PARD3B: variants seen among roughly 807,000 people sequenced by gnomAD.
The protein encoded by PARD3B is partitioning defective 3 homolog B.
A neutral mutation model predicts 130.2 loss-of-function variants in PARD3B; 103 were observed. That is an observed-to-expected ratio of 0.79 (90% CI 0.67 to 0.93). The LOEUF (loss-of-function observed/expected upper bound fraction) is 0.93. PARD3B is among the 40% of genes least tolerant of loss of function. PARD3B has a pLI of 0.00. For synonymous variants in PARD3B, 583 were observed against 553.2 expected (o/e 1.05, Z -0.76); for missense variants, 1,609 against 1,499.2 (o/e 1.07, Z -1.21).
At position 204,955,707 on chromosome 2, in the gene PARD3B, A is replaced by G. The variant is rs377185424; in HGVS notation, c.223-9445A>G. On this transcript the variant is annotated intron_variant, in intron 2 of 22. Transcript: ENST00000406610. ...ATTTCTTATGAGTATGAAATAAAAT[A>G]ATACATTTCAGCACTTAATACAGTG... 1.0e-3 allele frequency among the ~76,000 whole-genome samples: 157 copies of G among 152,354 alleles called. 1 individual carries two copies. The highest frequency in any genetic ancestry group is 3.7e-3 in the African/African-American group (152 of 41,584).
chr2:205,354,496 C>T (rs1240733687), intron 18 of PARD3B, among the ~76,000 whole-genome samples: 4 of 139,326 alleles, frequency 2.9e-5, no homozygotes, highest in Non-Finnish European at 3.2e-5. Context: ...TAAAAAAAAT[C>T]TTTTTAGAGC....
chr2:205,354,939 T>C (rs2044138036), intron 18 of PARD3B, among the ~76,000 whole-genome samples: 1 of 152,110 alleles, frequency 6.6e-6, no homozygotes, highest in Non-Finnish European at 1.5e-5. Flanking sequence ...GGTTAAGAAA[T>C]GATAGATTTT....
In PARD3B at chr2:204,943,732, A is replaced by G. The variant is rs1004276816; in HGVS notation, c.223-21420A>G. On this transcript the variant is annotated intron_variant, in intron 2 of 22. Coordinates refer to ENST00000406610, the MANE Select transcript of PARD3B (RefSeq NM_001302769.2). This position sits in a 1 kb window ranked among gnomAD's most constrained non-coding sequence, Gnocchi z 4.2. ...GTTTTGGCAAGCAGAGGACAAATCC[A>G]TCCTCTCTTCCTTGAGGGAAAGTTC... Among the ~76,000 whole-genome samples the G allele has an allele frequency of 6.6e-6, 1 of 152,160 alleles. No homozygotes were observed. The highest frequency in any genetic ancestry group is 1.9e-4 in the East Asian group (1 of 5,182).
rs1431221636 is a variant in PARD3B, at chr2:204,553,675, T to C, written c.120+7556T>C. 9.2e-5 allele frequency among the ~76,000 whole-genome samples: 11 copies of C among 119,576 alleles called. No homozygotes were observed. In the South Asian group the frequency reaches 2.5e-3, roughly 27 times the overall value. 78.4% of individuals were successfully genotyped at this position (119,576 alleles called of 152,430 possible). A position where few individuals can be genotyped will look rare whatever the true frequency, so the allele number is the denominator to read the frequency against. On this transcript the variant is annotated intron_variant, in intron 1 of 22. Coordinates refer to ENST00000406610, the MANE Select transcript of PARD3B (RefSeq NM_001302769.2). ...CCATATATATATATATATATATATA[T>C]ATATATATATATATATATATACACA...
intron 2 of PARD3B, among the ~76,000 whole-genome samples, chr2:204,789,367 A>G (rs970862446): frequency 6.6e-6 from 1 of 152,154 alleles, no homozygotes. Flanking sequence ...ATGTTTTTTG[A>G]GTAGGTGAAA....
At chr2:205,551,765 T>C (rs552864147) in intron 21 of PARD3B, among the ~76,000 whole-genome samples, 1 of 152,320 alleles carries the variant, frequency 6.6e-6, no homozygotes, top group East Asian at 1.9e-4. Flanking sequence ...CCGGGACTTT[T>C]GGTAAGAAGA....
At chr2:205,523,249 A>G (rs2051171718) in intron 21 of PARD3B, among the ~76,000 whole-genome samples, 1 of 146,952 alleles carries the variant, frequency 6.8e-6, no homozygotes, top group African/African-American at 2.5e-5. Flanking sequence ...ATATTTATAT[A>G]TATATATATT....
At chr2:204,554,435 A>G (rs759500447) in intron 1 of PARD3B, among the ~76,000 whole-genome samples, 4 of 152,052 alleles carry the variant, frequency 2.6e-5, no homozygotes, top group Non-Finnish European at 5.9e-5. Flanking sequence ...TGGCAAGGCC[A>G]TCTTTCTAGC....
intron 18 of PARD3B, among the ~76,000 whole-genome samples, chr2:205,326,430 T>A (rs898253096): frequency 2.0e-5 from 3 of 152,078 alleles, no homozygotes; most frequent in Admixed American, 1.3e-4. Context: ...ACCCCAGAGA[T>A]GGGGTTAATC....
intron 20 of PARD3B, among the ~76,000 whole-genome samples, chr2:205,478,820 G>A (rs149931600): frequency 5.0e-4 from 76 of 152,250 alleles, no homozygotes; most frequent in Middle Eastern, 3.4e-3. Flanking sequence ...ATCTAGAAAT[G>A]TGCATGCTAT....
At chr2:205,217,860 GTGTGTGTGTATATA>G (rs1280003488) in intron 15 of PARD3B, among the ~76,000 whole-genome samples, 25 of 86,584 alleles carry the variant, frequency 2.9e-4, no homozygotes, top group Admixed American at 1.3e-3. Flanking sequence ...GTGTGTGTGT[GTGTGTGTGTATATA>G]TATATATATA....
At chr2:205,464,975 T>C (rs937234187) in intron 20 of PARD3B, among the ~76,000 whole-genome samples, 1 of 152,230 alleles carries the variant, frequency 6.6e-6, no homozygotes, top group Admixed American at 6.5e-5. Flanking sequence ...TGCCTGGTAA[T>C]GGTGAGACTC....
intron 11 of PARD3B, among the ~76,000 whole-genome samples, chr2:205,168,065 T>A (rs2034918118): frequency 6.6e-6 from 1 of 152,150 alleles, no homozygotes; most frequent in African/African-American, 2.4e-5. Context: ...TCATACCAGG[T>A]TTTTTCGTTC....
At position 204,585,628 on chromosome 2, in the gene PARD3B, G is replaced by C. The variant is rs79511337; in HGVS notation, c.120+39509G>C. Among the ~76,000 whole-genome samples, 44 of 151,902 alleles carry C rather than the reference G, an allele frequency of 2.9e-4. 1 individual carries two copies. In the East Asian group the frequency reaches 7.6e-3, roughly 26 times the overall value. ...CAAAGTGCTGGGATTACAGGCATGAGACACCACACCAGTCTAATGGGCAGA... is the reference window on the plus strand; with the variant it reads ...CAAAGTGCTGGGATTACAGGCATGACACACCACACCAGTCTAATGGGCAGA... On this transcript the variant is annotated intron_variant, in intron 1 of 22. Coordinates refer to ENST00000406610, the MANE Select transcript of PARD3B (RefSeq NM_001302769.2).
intron 3 of PARD3B, among the ~76,000 whole-genome samples, chr2:205,037,530 T>C: frequency 6.8e-6 from 1 of 147,812 alleles, no homozygotes; most frequent in East Asian, 2.0e-4. Context: ...AATATGTATA[T>C]AGTGTACTAT....
chr2:205,501,528 G>A (rs949821626), intron 21 of PARD3B, among the ~76,000 whole-genome samples: 4 of 152,128 alleles, frequency 2.6e-5, no homozygotes, highest in Non-Finnish European at 5.9e-5. Flanking sequence ...CTACTTGTTA[G>A]GTAAGGCTCA....
At chr2:205,201,683 C>G (rs2036997983) in intron 15 of PARD3B, among the ~76,000 whole-genome samples, 1 of 151,986 alleles carries the variant, frequency 6.6e-6, no homozygotes, top group South Asian at 2.1e-4. Context: ...ACTAAAAATA[C>G]AAAATTAGCT....
chr2:205,517,465 CCTTTTTCTT>C (rs1172175649), intron 21 of PARD3B, among the ~76,000 whole-genome samples: 3 of 152,026 alleles, frequency 2.0e-5, no homozygotes, highest in Non-Finnish European at 4.4e-5. Context: ...TGGATCTTCT[CCTTTTTCTT>C]CTTTATTAGT....
At chr2:204,555,876 A>G (rs557872866) in intron 1 of PARD3B, among the ~76,000 whole-genome samples, 6 of 152,214 alleles carry the variant, frequency 3.9e-5, no homozygotes, top group South Asian at 2.1e-4. Context: ...AGCCTTCCTA[A>G]CCACCCTATT....
Sources: gnomAD v4.1 joint callset for allele counts (sites outside exome capture counted in the v4.1 genomes callset) on GRCh38, gnomAD v4.1.1 for gene constraint, Gnocchi (gnomAD v3.1) non-coding constraint, MANE v1.5 for transcripts, NCBI Gene and HGNC (gene_info 2026-07-23, HGNC 2026-07-21) for gene names.